AKAP9: variants seen among roughly 807,000 people sequenced by gnomAD.
AKAP9 encodes A-kinase anchor protein 9.
A neutral mutation model predicts 488.5 loss-of-function variants in AKAP9; 311 were observed. That is an observed-to-expected ratio of 0.64 (90% CI 0.58 to 0.70). The LOEUF is 0.70. Among genes scored for constraint, AKAP9 ranks in the 30% least tolerant of loss-of-function variants. AKAP9 has a pLI of 0.00. For synonymous variants in AKAP9, 1,462 were observed against 1,483.5 expected (o/e 0.99, Z 0.33); for missense variants, 4,215 against 4,374.5 (o/e 0.96, Z 1.03).
intron 16 of AKAP9, among the ~76,000 whole-genome samples, chr7:92,034,381 G>T (rs1804804294): frequency 6.6e-6 from 1 of 151,420 alleles, no homozygotes; most frequent in Non-Finnish European, 1.5e-5. Flanking sequence ...CTTTTCTGCA[G>T]ATGTAACTGG....
chr7:92,056,879 A>T, intron 22 of AKAP9, among the ~76,000 whole-genome samples: 1 of 152,004 alleles, frequency 6.6e-6, no homozygotes, highest in East Asian at 1.9e-4. Context: ...TAGTTACTGG[A>T]AAGAATAATA....
At chr7:92,085,715 C>T (rs770119886) in intron 36 of AKAP9, 29 bp downstream of exon 36, 2 of 1,496,530 alleles carry the variant, frequency 1.3e-6, no homozygotes, top group East Asian at 4.6e-5. Flanking sequence ...GCATTTAAAT[C>T]ATTTTATGTA....
At chr7:92,078,418 TC>T (rs1435038203) in intron 30 of AKAP9, among the ~76,000 whole-genome samples, 5 of 152,056 alleles carry the variant, frequency 3.3e-5, no homozygotes, top group African/African-American at 1.2e-4. Context: ...GCCCAGGAGT[TC>T]AAGACCAGCC....
intron 45 of AKAP9, 86 bp downstream of exon 45, chr7:92,101,142 T>A: frequency 1.5e-6 from 2 of 1,364,676 alleles, no homozygotes; most frequent in Non-Finnish European, 2.0e-6. Context: ...ATAAACAGTC[T>A]AAAGAAATTT....
At chr7:91,964,056 C>T (rs1226360803) in intron 1 of AKAP9, among the ~76,000 whole-genome samples, 4 of 152,036 alleles carry the variant, frequency 2.6e-5, no homozygotes, top group Non-Finnish European at 4.4e-5. Context: ...ATAGTTGCTT[C>T]TTAGAAAAAT....
chr7:92,032,672 TA>T (rs1185867951), intron 16 of AKAP9, among the ~76,000 whole-genome samples: 2 of 152,092 alleles, frequency 1.3e-5, no homozygotes, highest in Admixed American at 1.3e-4. Context: ...AGGAAAAACA[TA>T]AATTCGATGA....
intron 12 of AKAP9, among the ~76,000 whole-genome samples, chr7:92,020,612 C>G (rs1802192637): frequency 1.3e-5 from 2 of 152,108 alleles, no homozygotes; most frequent in Non-Finnish European, 2.9e-5. Context: ...TAATTGTTTA[C>G]CATTCTGCCT....
At position 91,994,741 on chromosome 7, in the gene AKAP9, G is replaced by A. The variant is rs746325120; in HGVS notation, c.697G>A (p.Glu233Lys). The change falls in exon 6 of 50, where the codon GAA (glutamate) becomes AAA (lysine). Residue 233 changes from glutamate (E) to lysine (K), a missense_variant. Physicochemically the swap from Glu to Lys is moderately conservative, Grantham distance 56. Coordinates refer to ENST00000356239, the MANE Select transcript of AKAP9 (RefSeq NM_005751.5). Reference protein sequence around the residue: ...ETMREFLELTEQSQKLQIQFQ... With the variant: ...ETMREFLELTKQSQKLQIQFQ... ...AATGAGAGAATTTTTAGAGTTGACAGAACAGAGTCAAAAATTACAGATTCA... is the reference window on the plus strand; with the variant it reads ...AATGAGAGAATTTTTAGAGTTGACAAAACAGAGTCAAAAATTACAGATTCA... 1 of 1,612,128 alleles carries A rather than the reference G, an allele frequency of 6.2e-7. No homozygotes were observed. Among genetic ancestry groups the A allele is most frequent in the Non-Finnish European group, 8.5e-7 (1 of 1,179,324 alleles).
In AKAP9 at chr7:92,008,463, G is replaced by T. The variant is rs550018480; in HGVS notation, c.3319-3966G>T. On this transcript the variant is annotated intron_variant, in intron 8 of 49. Transcript: ENST00000356239. ...AGCACTTTGGTAGGCCGAGGTGGGT[G>T]GATCACGAGGCCAGGAGATCGAGAC... is the stretch of plus-strand genomic sequence containing the variant. Among the ~76,000 whole-genome samples the T allele has an allele frequency of 2.7e-5, 4 of 150,566 alleles. No individual in the cohort carries two copies. The South Asian group carries it at 8.5e-4, about 32-fold the overall frequency.
At position 92,082,726 on chromosome 7, in the gene AKAP9, A is replaced by G; in HGVS notation, c.8160+64A>G. On this transcript the variant is annotated intron_variant, in intron 32 of 49. Transcript: ENST00000356239. ...ACCTATCTTAATTACGTTTCAAAGT[A>G]TATACTCTTTTATAACAAATGAGCT... is the stretch of plus-strand genomic sequence containing the variant. The G allele has an allele frequency of 5.1e-6, 8 of 1,555,870 alleles. No individual in the cohort carries two copies. In the South Asian group the frequency reaches 9.0e-5, roughly 17 times the overall value.
chr7:91,974,657 A>T (rs1363816261), intron 2 of AKAP9, among the ~76,000 whole-genome samples: 1 of 152,156 alleles, frequency 6.6e-6, no homozygotes, highest in East Asian at 1.9e-4. Flanking sequence ...GGATTTTGAC[A>T]GGGATTGCAT....
At chr7:92,065,852 T>C (rs1406349742) in intron 25 of AKAP9, among the ~76,000 whole-genome samples, 2 of 152,166 alleles carry the variant, frequency 1.3e-5, no homozygotes, top group African/African-American at 4.8e-5. Flanking sequence ...GTGTGGCCAT[T>C]GGAAATGGGC....
At chr7:91,980,562 C>G (rs1668939537) in intron 3 of AKAP9, among the ~76,000 whole-genome samples, 2 of 93,744 alleles carry the variant, frequency 2.1e-5, no homozygotes, top group South Asian at 8.0e-4. Context: ...ATAGCTTGGT[C>G]TCTGTTTTAG....
intron 3 of AKAP9, among the ~76,000 whole-genome samples, chr7:91,982,322 C>T (rs1437592217): frequency 6.6e-6 from 1 of 151,978 alleles, no homozygotes; most frequent in Admixed American, 6.6e-5. Flanking sequence ...GGTATATCTC[C>T]TAATGCTATC....
chr7:92,074,111 A>G (rs1312575665), intron 28 of AKAP9, among the ~76,000 whole-genome samples: 1 of 152,150 alleles, frequency 6.6e-6, no homozygotes, highest in Non-Finnish European at 1.5e-5. Flanking sequence ...AAATTTTTGC[A>G]ATCTATCCAT....
chr7:92,040,688 T>G lies in AKAP9; in HGVS notation c.4707T>G (p.Ile1569Met), dbSNP rs1207821150. ...FIVRQSIHDE[I>M]SVSSMDASRQ... ...TACTATTAAAGATTCATGATGAGAT[T>G]TCAGTGTCAAGCATGGATGCTTCTA... The change falls in exon 18 of 50, where the codon ATT becomes ATG. Residue 1569 changes from isoleucine (I) to methionine (M), a missense_variant. This residue lies in a region of AKAP9 where 2,361 missense variants were observed against 2,430.0 expected (regional missense o/e 0.97). Transcript: ENST00000356239. 3 of 1,605,558 alleles carry G rather than the reference T, an allele frequency of 1.9e-6. No homozygotes were observed. Among genetic ancestry groups the G allele is most frequent in the Admixed American group, 1.7e-5 (1 of 59,776 alleles).
At chr7:92,071,512 A>C (rs2130845254) in intron 28 of AKAP9, among the ~76,000 whole-genome samples, 1 of 152,246 alleles carries the variant, frequency 6.6e-6, no homozygotes, top group South Asian at 2.1e-4. Context: ...TTAAGCAATT[A>C]TATAAAGTTC....
At chr7:91,997,694 G>A (rs1798570983) in intron 7 of AKAP9, among the ~76,000 whole-genome samples, 1 of 152,170 alleles carries the variant, frequency 6.6e-6, no homozygotes, top group Non-Finnish European at 1.5e-5. Context: ...TCTAGGACTA[G>A]GTGAGAAGAG....
intron 1 of AKAP9, among the ~76,000 whole-genome samples, chr7:91,941,738 A>C (rs1329133241): frequency 1.3e-5 from 2 of 152,286 alleles, no homozygotes; most frequent in Non-Finnish European, 2.9e-5. Context: ...GGTCTTTGTC[A>C]TGGCATGCGC....
Sources: allele counts gnomAD v4.1 joint callset (sites outside exome capture counted in the v4.1 genomes callset), GRCh38; gene constraint gnomAD v4.1.1; regional missense constraint gnomAD v4.1.1; transcripts MANE v1.5; gene names NCBI Gene and HGNC (gene_info 2026-07-23, HGNC 2026-07-21).